Variants in LDB3 observed in about 807,000 individuals in gnomAD.
The protein encoded by LDB3 is LIM domain-binding protein 3.
LDB3 carries 49 observed loss-of-function variants against 69.0 expected under a neutral mutation model. The ratio of observed to expected loss-of-function variants is 0.71; its 90% CI spans 0.56 to 0.90. LDB3 has a LOEUF of 0.90. Ranked by LOEUF, LDB3 falls within the 40% of genes least tolerant of loss-of-function variation. The pLI is 0.00. For missense variants in LDB3, 928 were observed against 974.1 expected, an observed-to-expected ratio of 0.95 and a Z score of 0.63; for synonymous variants, 387 against 396.2, an observed-to-expected ratio of 0.98 and a Z score of 0.28.
chr10:86,719,376 G>A, intron 12 of LDB3, among the ~76,000 whole-genome samples: 1 of 147,382 alleles, frequency 6.8e-6, no homozygotes. Context: ...AGGCAACAGA[G>A]TAAGATCCTG....
rs368832031 is a variant in LDB3 at position 86,687,117 on chromosome 10, C to T, written c.690-4779C>T. The T allele has an allele frequency of 5.1e-5, 83 of 1,614,086 alleles. No individual in the cohort carries two copies. The highest frequency in any genetic ancestry group is 3.2e-4 in the Admixed American group (19 of 60,010). ...ACCCCAGTGCCCTGAAGGACTCGGC[C>T]CTGTCCACCCACAAGCCCATCGAGG... On this transcript the variant is annotated intron_variant, in intron 5 of 13. Coordinates refer to ENST00000361373, the MANE Select transcript of LDB3 (RefSeq NM_007078.3).
chr10:86,689,934 T>C (rs1845679337), intron 5 of LDB3, among the ~76,000 whole-genome samples: 2 of 152,168 alleles, frequency 1.3e-5, no homozygotes, highest in Admixed American at 1.3e-4. Flanking sequence ...CTGCATATAT[T>C]CTCCCTGAGC....
At position 86,687,093 on chromosome 10, in the gene LDB3, C is replaced by T. The variant is rs751576160; in HGVS notation, c.690-4803C>T. On this transcript the variant is annotated intron_variant, in intron 5 of 13. Coordinates refer to ENST00000361373, the MANE Select transcript of LDB3 (RefSeq NM_007078.3). ...GCGCCGACTACCAGGAACGCTTCAA[C>T]CCCAGTGCCCTGAAGGACTCGGCCC... The T allele has an allele frequency of 8.3e-5, 134 of 1,614,032 alleles. No individual in the cohort carries two copies. The highest frequency in any genetic ancestry group is 1.1e-4 in the Non-Finnish European group (130 of 1,180,006).
chr10:86,697,291 G>A (rs1477667557), intron 7 of LDB3, among the ~76,000 whole-genome samples: 2 of 139,314 alleles, frequency 1.4e-5, no homozygotes, highest in Admixed American at 7.5e-5. Flanking sequence ...GCGCGATCTC[G>A]GCTTACTGCA....
chr10:86,715,211 A>C (rs1012958415), intron 9 of LDB3, among the ~76,000 whole-genome samples: 1 of 152,180 alleles, frequency 6.6e-6, no homozygotes, highest in Non-Finnish European at 1.5e-5. Context: ...GCCTCAATGC[A>C]GTCCATCCTG....
At chr10:86,712,115 C>T (rs890227169) in intron 9 of LDB3, among the ~76,000 whole-genome samples, 1 of 152,020 alleles carries the variant, frequency 6.6e-6, no homozygotes, top group Non-Finnish European at 1.5e-5. Context: ...TGCCTGCTCG[C>T]CCCCCGACGG....
intron 10 of LDB3, 55 bp downstream of exon 10, chr10:86,716,826 T>C: frequency 6.6e-7 from 1 of 1,525,398 alleles, no homozygotes. Context: ...GTGTGTGGGG[T>C]GCTTGCCCAC....
chr10:86,706,792 G>A, intron 8 of LDB3, 73 bp downstream of exon 8: 1 of 1,485,092 alleles, frequency 6.7e-7, no homozygotes, highest in Non-Finnish European at 9.1e-7. Context: ...GGGTCTACCT[G>A]TGGCCAGCTG....
intron 12 of LDB3, among the ~76,000 whole-genome samples, chr10:86,721,882 C>T (rs1847093925): frequency 6.6e-6 from 1 of 152,114 alleles, no homozygotes; most frequent in African/African-American, 2.4e-5. Flanking sequence ...AATCCTTTTA[C>T]AATAGCAATA....
intron 2 of LDB3, among the ~76,000 whole-genome samples, chr10:86,675,142 T>C (rs569675051): frequency 6.6e-6 from 1 of 152,238 alleles, no homozygotes; most frequent in African/African-American, 2.4e-5. Context: ...GCTTGGCTAC[T>C]GACCAGACCC....
At chr10:86,696,117 A>C (rs575504992) in intron 7 of LDB3, among the ~76,000 whole-genome samples, 16 of 152,150 alleles carry the variant, frequency 1.1e-4, no homozygotes, top group Non-Finnish European at 2.4e-4. Context: ...AGCTTCTTCC[A>C]ATAAGATGCC....
Position 86,692,472 on chromosome 10 carries a change from C to A in LDB3, c.860-63C>A, listed in dbSNP as rs1255810306. On this transcript the variant is annotated intron_variant, in intron 6 of 13. Coordinates refer to ENST00000361373, the MANE Select transcript of LDB3 (RefSeq NM_007078.3). ...TCCTGGGGACTCAGTGCCCACAGAG[C>A]CCCAGCAGCTTTCCTTGCTGTGTCT... The A allele has an allele frequency of 2.6e-6, 4 of 1,521,392 alleles. No homozygotes were observed. In the South Asian group the frequency reaches 3.4e-5, roughly 13 times the overall value. The allele number at this position is 1,521,392 out of a possible 1,614,324, so 94.2% of individuals were successfully genotyped here.
At chr10:86,688,600 A>G (rs1845614701) in intron 5 of LDB3, among the ~76,000 whole-genome samples, 2 of 152,216 alleles carry the variant, frequency 1.3e-5, no homozygotes, top group South Asian at 2.1e-4. Flanking sequence ...CCATCATTCA[A>G]AGCAGAAAAT....
chr10:86,668,341 C>G (rs187406959), upstream of LDB3: 17 of 382,316 alleles, frequency 4.4e-5, no homozygotes, highest in East Asian at 1.8e-4. Flanking sequence ...CTTCCTCCCC[C>G]CTGGGGGGTG....
rs754482860 is a variant in LDB3 at position 86,691,884 on chromosome 10, T to C, written c.690-12T>C. The stretch of plus-strand genomic sequence containing the variant: ...GCCTAGCCCTCGCCCACGGCCTCTC[T>C]CTGCATTACAGGAGCCTCCCTATTA... On this transcript the variant is annotated splice_polypyrimidine_tract_variant and intron_variant, in intron 5 of 13. Transcript: ENST00000361373. 6.2e-7 allele frequency: 1 copy of C among 1,614,064 alleles called. No homozygotes were observed. The highest frequency in any genetic ancestry group is 1.1e-5 in the South Asian group (1 of 91,080).
chr10:86,721,170 A>G (rs1847072555), intron 12 of LDB3, among the ~76,000 whole-genome samples: 1 of 152,222 alleles, frequency 6.6e-6, no homozygotes, highest in Non-Finnish European at 1.5e-5. Flanking sequence ...TAACGGCTGC[A>G]CTGTGTTACA....
At chr10:86,673,089 G>T (rs1378693665) in intron 2 of LDB3, among the ~76,000 whole-genome samples, 1 of 152,242 alleles carries the variant, frequency 6.6e-6, no homozygotes, top group Non-Finnish European at 1.5e-5. Context: ...TTTGGGACCA[G>T]GCTCCACCTC....
At chr10:86,697,923 C>G (rs781258368) in intron 7 of LDB3, among the ~76,000 whole-genome samples, 5 of 152,098 alleles carry the variant, frequency 3.3e-5, no homozygotes, top group Non-Finnish European at 5.9e-5. Context: ...AATAGAGATC[C>G]CTAGTTCCCT....
intron 2 of LDB3, among the ~76,000 whole-genome samples, chr10:86,675,647 G>A (rs758166728): frequency 1.3e-5 from 2 of 152,342 alleles, no homozygotes; most frequent in South Asian, 2.1e-4. Context: ...TGCAAAATTC[G>A]CCCTGGAAAG....
Sources: gnomAD v4.1 joint callset for allele counts (sites outside exome capture counted in the v4.1 genomes callset) on GRCh38, gnomAD v4.1.1 for gene constraint, MANE v1.5 for transcripts, NCBI Gene and HGNC (gene_info 2026-07-23, HGNC 2026-07-21) for gene names.